The following AHI1 variants were observed in gnomAD, a reference collection of about 807,000 sequenced individuals.
The protein encoded by AHI1 is Abelson helper integration site 1.
AHI1 carries 123 observed loss-of-function variants against 149.3 expected under a neutral mutation model. The ratio of observed to expected loss-of-function variants is 0.82; its 90% CI spans 0.71 to 0.96. AHI1 has a LOEUF of 0.96. Ranked by LOEUF, AHI1 falls within the 40% of genes least tolerant of loss-of-function variation. The pLI is 0.00. For missense variants in AHI1, 1,439 were observed against 1,422.7 expected (o/e 1.01, Z -0.18); for synonymous variants, 475 against 459.8 (o/e 1.03, Z -0.42).
At chr6:135,393,773 G>A (rs1270162510) in intron 23 of AHI1, among the ~76,000 whole-genome samples, 1 of 152,006 alleles carries the variant, frequency 6.6e-6, no homozygotes, top group African/African-American at 2.4e-5. Flanking sequence ...TATGCTTATA[G>A]TGTTTTCATA....
At chr6:135,391,615 T>G (rs1276040062) in intron 23 of AHI1, among the ~76,000 whole-genome samples, 1 of 152,200 alleles carries the variant, frequency 6.6e-6, no homozygotes, top group Non-Finnish European at 1.5e-5. Flanking sequence ...CCAATCTACC[T>G]CTGCAAACTT....
At chr6:135,308,967 T>C (rs1234469708) in intron 26 of AHI1, among the ~76,000 whole-genome samples, 1 of 152,090 alleles carries the variant, frequency 6.6e-6, no homozygotes, top group East Asian at 1.9e-4. Flanking sequence ...CCTGGAAATA[T>C]GGAGAGCACT....
At chr6:135,440,705 A>G (rs993218939) in intron 14 of AHI1, among the ~76,000 whole-genome samples, 5 of 152,158 alleles carry the variant, frequency 3.3e-5, no homozygotes, top group Non-Finnish European at 7.4e-5. Context: ...CTGTCTAACC[A>G]CAACGGTGGT....
chr6:135,332,833 C>T (rs1562518948), intron 24 of AHI1, among the ~76,000 whole-genome samples: 1 of 152,182 alleles, frequency 6.6e-6, no homozygotes, highest in South Asian at 2.1e-4. Flanking sequence ...TTGTTTCTCC[C>T]CCCGTTCCTT....
chr6:135,339,654 T>A (rs1220114925), intron 24 of AHI1, among the ~76,000 whole-genome samples: 1 of 151,978 alleles, frequency 6.6e-6, no homozygotes, highest in Non-Finnish European at 1.5e-5. Flanking sequence ...GAAAATAGAA[T>A]GAACAAAAAT....
intron 17 of AHI1, 32 bp from the exon 18 acceptor site, chr6:135,430,032 A>C (rs1464199108): frequency 7.8e-7 from 1 of 1,276,206 alleles, no homozygotes; most frequent in East Asian, 2.5e-5. Flanking sequence ...CTACTACTGA[A>C]AAGTTTGTCT....
chr6:135,395,463 C>A (rs186289715), intron 22 of AHI1, among the ~76,000 whole-genome samples: 2 of 151,996 alleles, frequency 1.3e-5, no homozygotes, highest in African/African-American at 4.8e-5. Flanking sequence ...AGGAAAATTT[C>A]TGTAAGTAAA....
intron 22 of AHI1, 107 bp downstream of exon 22, chr6:135,404,844 C>G: frequency 4.2e-6 from 4 of 946,410 alleles, no homozygotes; most frequent in Non-Finnish European, 6.7e-6. Context: ...AAGTACACAT[C>G]AGATTAACTC....
intron 16 of AHI1, among the ~76,000 whole-genome samples, chr6:135,432,642 G>A (rs934405409): frequency 1.3e-5 from 2 of 152,016 alleles, no homozygotes; most frequent in Non-Finnish European, 2.9e-5. Flanking sequence ...ACGAACCACC[G>A]CGCCCGGCCA....
intron 26 of AHI1, chr6:135,302,842 C>CTGGT: frequency 7.8e-7 from 1 of 1,288,156 alleles, no homozygotes; most frequent in Non-Finnish European, 1.0e-6. Context: ...GCCCCCAAGG[C>CTGGT]TGGTGTTCAA....
At chr6:135,286,923 T>C (rs1394004164) in intron 28 of AHI1, among the ~76,000 whole-genome samples, 1 of 152,104 alleles carries the variant, frequency 6.6e-6, no homozygotes, top group African/African-American at 2.4e-5. Flanking sequence ...AAAAAGTACG[T>C]AAAACTTTCA....
intron 23 of AHI1, among the ~76,000 whole-genome samples, chr6:135,366,249 T>C (rs1259435049): frequency 1.3e-5 from 2 of 152,142 alleles, no homozygotes; most frequent in East Asian, 3.8e-4. Flanking sequence ...GTTTTCTTTT[T>C]TTTTTGTTAC....
chr6:135,385,354 T>C (rs1051396418), intron 23 of AHI1, among the ~76,000 whole-genome samples: 2 of 151,700 alleles, frequency 1.3e-5, no homozygotes, highest in African/African-American at 2.4e-5. Flanking sequence ...AGAGGAAAAA[T>C]TAGCAAAGGA....
intron 23 of AHI1, among the ~76,000 whole-genome samples, chr6:135,362,090 A>G (rs1452493268): frequency 6.6e-6 from 1 of 151,908 alleles, no homozygotes; most frequent in Non-Finnish European, 1.5e-5. Flanking sequence ...TTTATGACTA[A>G]GTAGTATTCC....
intron 23 of AHI1, among the ~76,000 whole-genome samples, chr6:135,386,249 T>TAA (rs775359702): frequency 3.0e-4 from 42 of 139,830 alleles, no homozygotes; most frequent in African/African-American, 1.0e-3. Flanking sequence ...ACATTTTTGG[T>TAA]AAAAAAAAAA....
intron 22 of AHI1, among the ~76,000 whole-genome samples, chr6:135,395,665 T>A (rs1242800925): frequency 1.3e-5 from 2 of 151,452 alleles, no homozygotes; most frequent in South Asian, 4.1e-4. Flanking sequence ...AGAAAAAAAA[T>A]CTATCTTTTT....
At chr6:135,485,613 C>G (rs1474197010) in intron 5 of AHI1, among the ~76,000 whole-genome samples, 1 of 152,032 alleles carries the variant, frequency 6.6e-6, no homozygotes, top group African/African-American at 2.4e-5. Flanking sequence ...TAAGATCTTT[C>G]AGGACTTTTG....
intron 28 of AHI1, among the ~76,000 whole-genome samples, chr6:135,288,405 C>T (rs973022745): frequency 4.6e-5 from 7 of 151,918 alleles, no homozygotes; most frequent in South Asian, 2.1e-4. Context: ...AGAAACAACA[C>T]GCTGTATTAG....
chr6:135,426,541 G>C (rs1171433069), intron 20 of AHI1, among the ~76,000 whole-genome samples: 1 of 151,434 alleles, frequency 6.6e-6, no homozygotes, highest in East Asian at 1.9e-4. Flanking sequence ...ACTATATGAA[G>C]AAAATAGAAA....
Sources: allele counts gnomAD v4.1 joint callset (sites outside exome capture counted in the v4.1 genomes callset), GRCh38; gene constraint gnomAD v4.1.1; transcripts MANE v1.5; gene names NCBI Gene and HGNC (gene_info 2026-07-23, HGNC 2026-07-21).